Variants in NTRK3 observed in about 807,000 individuals in gnomAD.
NTRK3 encodes the protein neurotrophic receptor tyrosine kinase 3.
Under a neutral mutation model 91.7 loss-of-function variants are expected in NTRK3, and 24 were observed. That is an observed-to-expected ratio of 0.26 (90% confidence interval 0.19 to 0.37). The LOEUF (loss-of-function observed/expected upper bound fraction) is 0.37, where lower values mean the gene tolerates loss of function less well. Ranked by LOEUF, NTRK3 falls within the 10% of genes least tolerant of loss-of-function variation. The probability of loss-of-function intolerance (pLI) is 1.00; values close to 1 mark genes in which losing one functional copy is unlikely to be tolerated. For missense variants in NTRK3, 880 were observed against 1,068.9 expected, an observed-to-expected ratio of 0.82 and a Z score of 2.46; for synonymous variants, 483 against 404.0, an observed-to-expected ratio of 1.20 and a Z score of -2.34.
chr15:88,155,215 A>G (rs2043778471), intron 5 of NTRK3, among the ~76,000 whole-genome samples: 1 of 152,238 alleles, frequency 6.6e-6, no homozygotes. Context: ...CATAAGGGGC[A>G]TTAAAGGTAG....
chr15:88,033,374 C>T (rs1441848309), intron 13 of NTRK3, among the ~76,000 whole-genome samples: 1 of 150,628 alleles, frequency 6.6e-6, no homozygotes, highest in Non-Finnish European at 1.5e-5. Context: ...GCAGTGGCGC[C>T]ATCTTGGCTC....
intron 14 of NTRK3, among the ~76,000 whole-genome samples, chr15:87,968,830 G>T (rs900168931): frequency 6.6e-6 from 1 of 152,130 alleles, no homozygotes; most frequent in Non-Finnish European, 1.5e-5. Context: ...GGGATTATTG[G>T]TGAATTTCAA....
At chr15:88,069,536 T>A (rs1597119543) in intron 13 of NTRK3, among the ~76,000 whole-genome samples, 1 of 152,054 alleles carries the variant, frequency 6.6e-6, no homozygotes, top group East Asian at 1.9e-4. Flanking sequence ...CACCGGAACC[T>A]CCCGTGAAGA....
chr15:88,072,868 T>C (rs1467499408), intron 13 of NTRK3: 4 of 232,444 alleles, frequency 1.7e-5, no homozygotes, highest in African/African-American at 6.6e-5. Flanking sequence ...CGTGTTCTTT[T>C]TCCTGGCAGC....
intron 17 of NTRK3, among the ~76,000 whole-genome samples, chr15:87,889,689 A>G (rs1275836606): frequency 6.6e-6 from 1 of 152,054 alleles, no homozygotes; most frequent in Non-Finnish European, 1.5e-5. Context: ...AATATTTACT[A>G]TGTGATCTTT....
intron 13 of NTRK3, among the ~76,000 whole-genome samples, chr15:88,078,637 G>A (rs552861306): frequency 5.9e-4 from 90 of 152,164 alleles, no homozygotes; most frequent in Non-Finnish European, 1.0e-3. Context: ...GCAACAGAGT[G>A]AGACTCCATC....
At chr15:88,009,294 GGA>G (rs141240132) in intron 14 of NTRK3, among the ~76,000 whole-genome samples, 1 of 152,106 alleles carries the variant, frequency 6.6e-6, no homozygotes, top group Non-Finnish European at 1.5e-5. Flanking sequence ...TTTTTAAAAT[GGA>G]GAGAGAGAAT....
At chr15:88,138,409 C>CAAGAAAA (rs1310380122) in intron 6 of NTRK3, among the ~76,000 whole-genome samples, 1 of 151,912 alleles carries the variant, frequency 6.6e-6, no homozygotes, top group Non-Finnish European at 1.5e-5. Flanking sequence ...GACTCTGTCT[C>CAAGAAAA]AAGAAAAAAG....
At chr15:87,870,644 G>A (rs201289482) in exon 19 of NTRK3, 28 of 214,868 alleles carry the variant, frequency 1.3e-4, no homozygotes, top group South Asian at 5.6e-4. Context: ...AGAGTACACC[G>A]TAAGTATTTG....
chr15:87,953,936 G>A (rs757943604), intron 14 of NTRK3, among the ~76,000 whole-genome samples: 22 of 151,906 alleles, frequency 1.4e-4, no homozygotes, highest in Non-Finnish European at 2.8e-4. Context: ...CTCCGTGCGG[G>A]TTATCGACCT....
At position 88,033,051 on chromosome 15, in the gene NTRK3, C is replaced by A; in HGVS notation, c.1397-6G>T. 6.4e-7 allele frequency: 1 copy of A among 1,571,172 alleles called. No individual in the cohort carries two copies. The highest frequency in any genetic ancestry group is 8.6e-7 in the Non-Finnish European group (1 of 1,157,824). On this transcript the variant is annotated splice_region_variant and splice_polypyrimidine_tract_variant and intron_variant, in intron 13 of 18. Transcript: ENST00000394480. ...ACTGATGACAGCCACGGGACCTGCA[C>A]ACACCAAGAGAGACGCAGGACCTGG...
intron 17 of NTRK3, among the ~76,000 whole-genome samples, chr15:87,892,951 G>C (rs1432887151): frequency 6.6e-6 from 1 of 152,168 alleles, no homozygotes; most frequent in Non-Finnish European, 1.5e-5. Context: ...CATCAGATGT[G>C]TTAAAGGAAT....
intron 3 of NTRK3, chr15:88,210,059 C>A (rs1159287837): frequency 6.6e-6 from 1 of 152,266 alleles, no homozygotes; most frequent in Non-Finnish European, 1.5e-5. Context: ...GCTGTAAATA[C>A]CCTCTTCTAT....
At chr15:88,166,457 G>A (rs113031058) in intron 5 of NTRK3, among the ~76,000 whole-genome samples, 25 of 152,288 alleles carry the variant, frequency 1.6e-4, no homozygotes, top group African/African-American at 5.8e-4. Context: ...GCTAGGGGAA[G>A]GTGAGCCGGG....
rs142704725 is a variant in NTRK3, at chr15:88,127,633, G to A, written c.1229-407C>T. ...TGGTGGCAGCTGTTGCTGACATTCT[G>A]CTACTCCTTGCCACAGGCATTCCTT... On this transcript the variant is annotated intron_variant, in intron 11 of 18. Transcript: ENST00000394480. 5.9e-3 allele frequency among the ~76,000 whole-genome samples: 893 copies of A among 152,260 alleles called. 11 individuals are homozygous for A. The highest frequency in any genetic ancestry group is 0.02 in the African/African-American group (834 of 41,548).
intron 14 of NTRK3, among the ~76,000 whole-genome samples, chr15:87,971,631 G>A (rs1264380715): frequency 6.6e-6 from 1 of 152,168 alleles, no homozygotes; most frequent in African/African-American, 2.4e-5. Flanking sequence ...TAGGTGCAGG[G>A]GTCCCCTGCG....
At chr15:87,928,873 A>G in intron 17 of NTRK3, 1 of 540,852 alleles carries the variant, frequency 1.8e-6, no homozygotes, top group Non-Finnish European at 3.3e-6. Flanking sequence ...GTTTGGGCAC[A>G]TACATATACA....
chr15:88,049,187 C>A (rs2080557227), intron 13 of NTRK3, among the ~76,000 whole-genome samples: 1 of 152,146 alleles, frequency 6.6e-6, no homozygotes, highest in Non-Finnish European at 1.5e-5. Context: ...CTCAAATGGA[C>A]CGCATGCAAG....
intron 13 of NTRK3, among the ~76,000 whole-genome samples, chr15:88,070,925 T>G (rs2047040749): frequency 6.6e-6 from 1 of 152,044 alleles, no homozygotes; most frequent in African/African-American, 2.4e-5. Context: ...AGAAGGAAGA[T>G]TCCTAGCCCT....
Sources: gnomAD v4.1 joint callset for allele counts (sites outside exome capture counted in the v4.1 genomes callset) on GRCh38, gnomAD v4.1.1 for gene constraint, MANE v1.5 for transcripts, NCBI Gene and HGNC (gene_info 2026-07-23, HGNC 2026-07-21) for gene names.